The following NFAT5 variants were observed in gnomAD, a reference collection of about 807,000 sequenced individuals.
The protein encoded by NFAT5 is nuclear factor of activated T-cells 5.
A neutral mutation model predicts 166.5 loss-of-function variants in NFAT5; 31 were observed. The ratio of observed to expected loss-of-function variants is 0.19; its 90% CI spans 0.14 to 0.25. The LOEUF (loss-of-function observed/expected upper bound fraction) is 0.25. Ranked by LOEUF, NFAT5 falls within the 10% of genes least tolerant of loss-of-function variation. The pLI is 1.00. For missense variants in NFAT5, 1,449 were observed against 1,821.8 expected (o/e 0.80, Z 3.72); for synonymous variants, 612 against 639.7 (o/e 0.96, Z 0.65).
chr16:69,589,403 T>C (rs1384763038), intron 2 of NFAT5, among the ~76,000 whole-genome samples: 2 of 152,204 alleles, frequency 1.3e-5, no homozygotes, highest in Non-Finnish European at 2.9e-5. Flanking sequence ...AACTGGATGG[T>C]GTGTCCTATG....
intron 3 of NFAT5, among the ~76,000 whole-genome samples, chr16:69,636,490 G>C (rs2151600050): frequency 6.6e-6 from 1 of 152,246 alleles, no homozygotes; most frequent in Admixed American, 6.5e-5. Context: ...CTCCGTGAGG[G>C]CCCCACCCCT....
At chr16:69,590,670 C>G (rs2151524948) in intron 2 of NFAT5, among the ~76,000 whole-genome samples, 1 of 152,292 alleles carries the variant, frequency 6.6e-6, no homozygotes, top group South Asian at 2.1e-4. Context: ...CTCCCTCAGC[C>G]TAACAGTTTA....
rs1188158260 is a variant in NFAT5, at chr16:69,688,202, C to CAAAAAA, written c.1775-2719_1775-2714dup. Among the ~76,000 whole-genome samples the CAAAAAA allele has an allele frequency of 2.9e-3, 146 of 49,496 alleles. 3 individuals are homozygous for CAAAAAA. The highest frequency in any genetic ancestry group is 7.2e-3 in the South Asian group (8 of 1,110). 32.5% of individuals were successfully genotyped at this position (49,496 alleles called of 152,430 possible). ...TGGGCGACAGAGCGAGACTCCGTCT[C>CAAAAAA]AAAAAAAAAAAAAAAAAAAAAAAAC... On this transcript the variant is annotated intron_variant, in intron 11 of 14. Coordinates refer to ENST00000349945, the MANE Select transcript of NFAT5 (RefSeq NM_138713.4).
At chr16:69,587,242 A>AT (rs11289892) in intron 2 of NFAT5, among the ~76,000 whole-genome samples, 130 of 146,930 alleles carry the variant, frequency 8.8e-4, no homozygotes, top group African/African-American at 2.2e-3. Context: ...AATTTTTTGT[A>AT]TTTTTTTTTT....
chr16:69,610,147 C>G (rs1269175382), intron 2 of NFAT5, among the ~76,000 whole-genome samples: 1 of 151,838 alleles, frequency 6.6e-6, no homozygotes, highest in African/African-American at 2.4e-5. Flanking sequence ...AAGTGAAGAC[C>G]CTGAGATATG....
In NFAT5 at chr16:69,693,934, T is replaced by G; in HGVS notation, c.4109T>G (p.Phe1370Cys). The G allele has an allele frequency of 6.2e-7, 1 of 1,614,194 alleles. No homozygotes were observed. Among genetic ancestry groups the G allele is most frequent in the East Asian group, 2.2e-5 (1 of 44,882 alleles). ...TQSESSQTPL[F>C]HSSPQIQLVQ... ...TCGGAATCATCACAGACCCCCTTGT[T>G]CCATAGCTCTCCTCAGATTCAGTTG... The change falls in exon 13 of 15, where the codon TTC becomes TGC. Residue 1370 changes from phenylalanine (F) to cysteine (C), a missense_variant. Coordinates refer to ENST00000349945, the MANE Select transcript of NFAT5 (RefSeq NM_138713.4).
Position 69,566,413 on chromosome 16 carries a change from AGACAG to A in NFAT5, c.73+41_73+45del. ...TGGGGGGTGGGGCGTGGGGGCGGGG[AGACAG>A]GGAGACAGGGAGACAGGGCCAGGGG... On this transcript the variant is annotated intron_variant, in intron 1 of 14. Coordinates refer to ENST00000349945, the MANE Select transcript of NFAT5 (RefSeq NM_138713.4). This position sits in a 1 kb window ranked among gnomAD's most constrained non-coding sequence, Gnocchi z 5.7. 1 of 1,220,102 alleles carries A rather than the reference AGACAG, an allele frequency of 8.2e-7. No homozygotes were observed. The highest frequency in any genetic ancestry group is 1.2e-6 in the Non-Finnish European group (1 of 868,336). The allele number at this position is 1,220,102 out of a possible 1,614,324, so 75.6% of individuals were successfully genotyped here. A position where few individuals can be genotyped will look rare whatever the true frequency, so the allele number is the denominator to read the frequency against.
intron 12 of NFAT5, among the ~76,000 whole-genome samples, 196 bp downstream of exon 12, chr16:69,691,284 G>A (rs1029071560): frequency 3.9e-5 from 6 of 152,242 alleles, no homozygotes; most frequent in Admixed American, 6.5e-5. Flanking sequence ...TGTTGTATGA[G>A]ATATTGATGA....
intron 2 of NFAT5, among the ~76,000 whole-genome samples, chr16:69,615,232 C>T (rs552853469): frequency 3.3e-5 from 5 of 152,126 alleles, no homozygotes; most frequent in African/African-American, 4.8e-5. Flanking sequence ...CTAGAGACGA[C>T]GTTTTGCCAT....
chr16:69,582,700 C>G (rs1329059054), intron 2 of NFAT5, among the ~76,000 whole-genome samples: 1 of 149,332 alleles, frequency 6.7e-6, no homozygotes, highest in Non-Finnish European at 1.5e-5. Context: ...TTCTTCTGGA[C>G]TCTCAGTTCT....
At chr16:69,679,829 AGT>A (rs2036982251) in intron 10 of NFAT5, among the ~76,000 whole-genome samples, 1 of 151,946 alleles carries the variant, frequency 6.6e-6, no homozygotes, top group Non-Finnish European at 1.5e-5. Context: ...AATTAATAAT[AGT>A]TGGCTGGGCA....
chr16:69,575,646 TAAAG>T (rs932973705), intron 2 of NFAT5, among the ~76,000 whole-genome samples: 4 of 147,980 alleles, frequency 2.7e-5, no homozygotes, highest in African/African-American at 7.5e-5. Context: ...AATAAATAAA[TAAAG>T]CAAGAGAAGA....
At chr16:69,606,310 A>G (rs1465330255) in intron 2 of NFAT5, among the ~76,000 whole-genome samples, 1 of 152,182 alleles carries the variant, frequency 6.6e-6, no homozygotes, top group Non-Finnish European at 1.5e-5. Context: ...CATAATATCA[A>G]TTAAAGAAAT....
chr16:69,620,419 C>T (rs976819748), intron 2 of NFAT5, among the ~76,000 whole-genome samples: 3 of 152,034 alleles, frequency 2.0e-5, no homozygotes, highest in Non-Finnish European at 2.9e-5. Context: ...TTATTAGCAG[C>T]ATTAATAGAA....
chr16:69,653,172 G>T (rs1307087725), intron 4 of NFAT5, 64 bp from the exon 5 acceptor site: 9 of 1,100,270 alleles, frequency 8.2e-6, no homozygotes, highest in Non-Finnish European at 1.0e-5. Context: ...TGTCTTAATG[G>T]CTTTTTTTTT....
At chr16:69,600,721 C>T (rs2033082041) in intron 2 of NFAT5, among the ~76,000 whole-genome samples, 1 of 122,304 alleles carries the variant, frequency 8.2e-6, no homozygotes, top group Admixed American at 1.0e-4. Flanking sequence ...AGAGAATCAT[C>T]ATGAGGAACT....
In NFAT5 at chr16:69,692,435, A is replaced by G. The variant is rs2037584292; in HGVS notation, c.2610A>G (p.Thr870=). The G allele has an allele frequency of 1.9e-6, 3 of 1,614,246 alleles. No homozygotes were observed. The highest frequency in any genetic ancestry group is 4.5e-5 in the East Asian group (2 of 44,888). Residue 870 remains threonine (T), a synonymous_variant, in exon 13 of 15, where the codon ACA becomes ACG. Transcript: ENST00000349945. The stretch of plus-strand genomic sequence containing the variant: ...GAATGTTTTCCTCAACAGAGCCAAC[A>G]GTCCATACCAGACCAGATAATTTAT... ...SPGMFSSTEP[T]VHTRPDNLLP...
chr16:69,566,607 T>C lies in NFAT5; in HGVS notation c.73+233T>C, dbSNP rs2016057563. Among the ~76,000 whole-genome samples the C allele has an allele frequency of 6.6e-6, 1 of 151,880 alleles. No homozygotes were observed. Among genetic ancestry groups the C allele is most frequent in the East Asian group, 1.9e-4 (1 of 5,144 alleles). ...AGCCGCCGGCCGCTCGGGGCCCAGA[T>C]TCCGTCGGCCCCCGGGGCTCTGCGG... On this transcript the variant is annotated intron_variant, in intron 1 of 14. Coordinates refer to ENST00000349945, the MANE Select transcript of NFAT5 (RefSeq NM_138713.4). The surrounding 1 kb of genome is among the most constrained non-coding windows in gnomAD (Gnocchi z 5.7).
intron 2 of NFAT5, among the ~76,000 whole-genome samples, chr16:69,615,021 C>T (rs1289599230): frequency 6.6e-6 from 1 of 151,180 alleles, no homozygotes; most frequent in Non-Finnish European, 1.5e-5. Context: ...GGGCTATAGG[C>T]ACCCACCACC....
Sources: gnomAD v4.1 joint callset for allele counts (sites outside exome capture counted in the v4.1 genomes callset) on GRCh38, gnomAD v4.1.1 for gene constraint, Gnocchi (gnomAD v3.1) non-coding constraint, MANE v1.5 for transcripts, NCBI Gene and HGNC (gene_info 2026-07-23, HGNC 2026-07-21) for gene names.